Variants in SLC27A2 observed in about 807,000 individuals in gnomAD.
The protein encoded by SLC27A2 is solute carrier family 27 member 2.
Under a neutral mutation model 60.0 loss-of-function variants are expected in SLC27A2, and 54 were observed. The observed-to-expected ratio is 0.90, with a 90% CI of 0.72 to 1.13. The LOEUF (loss-of-function observed/expected upper bound fraction) is 1.13, where lower values mean the gene tolerates loss of function less well. SLC27A2 is among the 50% of genes most tolerant of loss of function. The probability of loss-of-function intolerance (pLI) is 0.00; values close to 1 mark genes in which losing one functional copy is unlikely to be tolerated. For missense variants in SLC27A2, 739 were observed against 777.6 expected, an observed-to-expected ratio of 0.95 and a Z score of 0.59; for synonymous variants, 297 against 297.6, an observed-to-expected ratio of 1.00 and a Z score of 0.02.
chr15:50,202,046 A>G (rs2045068536), intron 2 of SLC27A2, among the ~76,000 whole-genome samples: 1 of 152,220 alleles, frequency 6.6e-6, no homozygotes, highest in African/African-American at 2.4e-5. Flanking sequence ...TGTCTTGCAA[A>G]GTGGTAGCCA....
At chr15:50,185,155 C>T (rs577137953) in intron 1 of SLC27A2, among the ~76,000 whole-genome samples, 2 of 152,316 alleles carry the variant, frequency 1.3e-5, no homozygotes, top group South Asian at 4.1e-4. Context: ...GACCATAATA[C>T]AGTTTGATTC....
intron 4 of SLC27A2, among the ~76,000 whole-genome samples, chr15:50,220,241 C>T (rs963301927): frequency 6.6e-6 from 1 of 152,198 alleles, no homozygotes; most frequent in Non-Finnish European, 1.5e-5. Context: ...ACCCAGGGTG[C>T]CTGCGGCCTC....
intron 9 of SLC27A2, among the ~76,000 whole-genome samples, chr15:50,235,207 C>T (rs528066568): frequency 2.0e-5 from 3 of 152,268 alleles, no homozygotes; most frequent in South Asian, 2.1e-4. Context: ...AGGGCACCAA[C>T]ATTTGCTTTG....
In SLC27A2 at chr15:50,188,311, G is replaced by T. The variant is rs191210608; in HGVS notation, c.478+5406G>T. On this transcript the variant is annotated intron_variant, in intron 1 of 9. Coordinates refer to ENST00000267842, the MANE Select transcript of SLC27A2 (RefSeq NM_003645.4). ...TAAAACAGTGAGATGCTTCATTAAA[G>T]GATATTGCGATGTAAGAACAATGGC... Among the ~76,000 whole-genome samples the T allele has an allele frequency of 3.3e-3, 503 of 152,260 alleles. 2 individuals are homozygous for T. Among genetic ancestry groups the T allele is most frequent in the Non-Finnish European group, 5.4e-3 (370 of 68,030 alleles).
chr15:50,185,998 G>C (rs2044918767), intron 1 of SLC27A2, among the ~76,000 whole-genome samples: 1 of 151,906 alleles, frequency 6.6e-6, no homozygotes, highest in South Asian at 2.1e-4. Context: ...AGCACTTTGG[G>C]AAGTGGAGGA....
At chr15:50,189,310 T>C (rs2140895314) in intron 1 of SLC27A2, among the ~76,000 whole-genome samples, 1 of 152,280 alleles carries the variant, frequency 6.6e-6, no homozygotes, top group East Asian at 1.9e-4. Context: ...TGGCAGTACA[T>C]GGTAGGACAG....
intron 4 of SLC27A2, among the ~76,000 whole-genome samples, chr15:50,217,157 A>G (rs1340735087): frequency 3.3e-5 from 5 of 152,160 alleles, no homozygotes; most frequent in African/African-American, 9.7e-5. Context: ...TATACTGCTC[A>G]GGTGATGGGT....
chr15:50,221,784 T>C (rs539648386), intron 4 of SLC27A2: 1 of 152,394 alleles, frequency 6.6e-6, no homozygotes, highest in South Asian at 2.1e-4. Context: ...GTAACAGAAT[T>C]TACAACGTAA....
At chr15:50,227,857 G>T (rs939822635) in intron 7 of SLC27A2, among the ~76,000 whole-genome samples, 2 of 152,168 alleles carry the variant, frequency 1.3e-5, no homozygotes, top group Non-Finnish European at 2.9e-5. Flanking sequence ...TTGTCTAACT[G>T]CAGTAGAAAG....
intron 4 of SLC27A2, among the ~76,000 whole-genome samples, chr15:50,215,927 G>C (rs960870568): frequency 6.6e-6 from 1 of 152,106 alleles, no homozygotes; most frequent in Non-Finnish European, 1.5e-5. Context: ...CCAAGAACCC[G>C]AAAGCAAATG....
intron 1 of SLC27A2, among the ~76,000 whole-genome samples, chr15:50,190,189 A>T (rs1181842735): frequency 6.6e-6 from 1 of 152,238 alleles, no homozygotes; most frequent in Non-Finnish European, 1.5e-5. Context: ...ATGCAAAATT[A>T]CAGTTACAAA....
chr15:50,197,699 T>A lies in SLC27A2; in HGVS notation c.678T>A (p.Ser226=). The A allele has an allele frequency of 6.2e-7, 1 of 1,610,922 alleles. No individual in the cohort carries two copies. The highest frequency in any genetic ancestry group is 8.5e-7 in the Non-Finnish European group (1 of 1,177,266). ...FSTPALYIYT[S]GTTGLPKAAM... is the part of the protein sequence containing the mutation. ...CTCCTGCCTTATACATTTATACTTC[T>A]GGAACCACAGGTAAAAATAAAGGGG... is the stretch of plus-strand genomic sequence containing the variant. Residue 226 remains serine, a synonymous_variant, in exon 2 of 10, where the codon TCT becomes TCA. Coordinates refer to ENST00000267842, the MANE Select transcript of SLC27A2 (RefSeq NM_003645.4).
chr15:50,236,190 G>C lies in SLC27A2; in HGVS notation c.*94G>C, dbSNP rs2045351007. ...ACTTTAATTTGATTGAAGATTGTGA[G>C]GAAATTTTGTAGGAAATTTGCATAC... On this transcript the variant is annotated 3_prime_UTR_variant, in exon 10 of 10. Coordinates refer to ENST00000267842, the MANE Select transcript of SLC27A2 (RefSeq NM_003645.4). 6 of 1,165,626 alleles carry C rather than the reference G, an allele frequency of 5.1e-6. No individual in the cohort carries two copies. Among genetic ancestry groups the C allele is most frequent in the Admixed American group, 2.6e-5 (1 of 38,488 alleles). The allele number at this position is 1,165,626 out of a possible 1,614,324, so 72.2% of individuals were successfully genotyped here.
chr15:50,226,991 C>T lies in SLC27A2; in HGVS notation c.1270C>T (p.Leu424Phe), dbSNP rs775163816. 2.5e-6 allele frequency: 4 copies of T among 1,613,700 alleles called. No homozygotes were observed. Among genetic ancestry groups the T allele is most frequent in the Non-Finnish European group, 2.5e-6 (3 of 1,179,858 alleles). The part of the protein sequence containing the change: ...CVRVPKGEVG[L>F]LVCKITQLTP... ...TTCTTCTGTCTTAGGTGAAGTTGGA[C>T]TTCTGGTTTGCAAAATCACACAACT... Residue 424 changes from leucine (L) to phenylalanine (F), a missense_variant, in exon 7 of 10, where the codon CTT (leucine) becomes TTT (phenylalanine). Leu to Phe is a conservative substitution (Grantham distance 22). Transcript: ENST00000267842.
At chr15:50,235,450 A>G (rs1014874805) in intron 9 of SLC27A2, among the ~76,000 whole-genome samples, 3 of 152,196 alleles carry the variant, frequency 2.0e-5, no homozygotes, top group Admixed American at 6.5e-5. Context: ...ATCTATGCAC[A>G]GGTATCTCAT....
intron 1 of SLC27A2, among the ~76,000 whole-genome samples, chr15:50,194,102 C>T (rs1384027438): frequency 6.6e-6 from 1 of 152,080 alleles, no homozygotes; most frequent in African/African-American, 2.4e-5. Flanking sequence ...GCCATGATCA[C>T]GCCACTGCAC....
intron 7 of SLC27A2, 30 bp downstream of exon 7, chr15:50,227,208 A>G: frequency 6.4e-7 from 1 of 1,567,214 alleles, no homozygotes; most frequent in Non-Finnish European, 8.8e-7. Context: ...TGAGCCAAAA[A>G]CAAACACACG....
At chr15:50,219,754 T>C (rs1272292964) in intron 4 of SLC27A2, among the ~76,000 whole-genome samples, 1 of 152,208 alleles carries the variant, frequency 6.6e-6, no homozygotes, top group Non-Finnish European at 1.5e-5. Context: ...AATAGAAGCT[T>C]TCTGCCTGTG....
intron 7 of SLC27A2, among the ~76,000 whole-genome samples, chr15:50,228,156 T>A (rs974673901): frequency 6.6e-6 from 1 of 152,066 alleles, no homozygotes; most frequent in Non-Finnish European, 1.5e-5. Flanking sequence ...GGCGGGTGGA[T>A]CACCTGAGGT....
Sources: allele counts gnomAD v4.1 joint callset (sites outside exome capture counted in the v4.1 genomes callset), GRCh38; gene constraint gnomAD v4.1.1; transcripts MANE v1.5; gene names NCBI Gene and HGNC (gene_info 2026-07-23, HGNC 2026-07-21).